Variants in CREBBP observed in about 807,000 individuals in gnomAD.
CREBBP encodes the protein CREB-binding protein.
In CREBBP, 19 loss-of-function variants were observed where a neutral mutation model predicts 265.0. The ratio of observed to expected loss-of-function variants is 0.07; its 90% CI spans 0.05 to 0.11. The LOEUF (loss-of-function observed/expected upper bound fraction) is 0.11, where lower values mean the gene tolerates loss of function less well. Among genes scored for constraint, CREBBP ranks in the 10% least tolerant of loss-of-function variants. The pLI is 1.00. For missense variants in CREBBP, 2,525 were observed against 3,219.0 expected (o/e 0.78, Z 5.22); for synonymous variants, 1,457 against 1,223.7 (o/e 1.19, Z -3.98).
At chr16:3,847,279 C>G (rs989267216) in intron 2 of CREBBP, among the ~76,000 whole-genome samples, 1 of 152,152 alleles carries the variant, frequency 6.6e-6, no homozygotes, top group Non-Finnish European at 1.5e-5. Flanking sequence ...TCTTTTCCTA[C>G]TATTTTAATT....
chr16:3,770,612 C>A lies in CREBBP; in HGVS notation c.2838G>T (p.Gln946His), dbSNP rs1297657584. Residue 946 changes from glutamine (Q) to histidine (H), a missense_variant, in exon 14 of 31, where the codon CAG becomes CAT. Gln to His is a conservative substitution (Grantham distance 24). This residue lies in a region of CREBBP where 548 missense variants were observed against 533.0 expected (regional missense o/e 1.03). Transcript: ENST00000262367. ...GGGCGTGCACAGGCGTCGGCTGTTGCTGCGATGACTGAGGGGTAGCCACAG... is the reference window on the plus strand; with the variant it reads ...GGGCGTGCACAGGCGTCGGCTGTTGATGCGATGACTGAGGGGTAGCCACAG... ...PPSVATPQSS[Q>H]QQPTPVHAQP... The A allele has an allele frequency of 3.1e-6, 5 of 1,613,700 alleles. No homozygotes were observed. The highest frequency in any genetic ancestry group is 4.2e-6 in the Non-Finnish European group (5 of 1,180,022).
chr16:3,806,094 T>C (rs966545386), intron 3 of CREBBP, among the ~76,000 whole-genome samples: 2 of 152,088 alleles, frequency 1.3e-5, no homozygotes, highest in African/African-American at 4.8e-5. Context: ...CATGGACAGG[T>C]GCTGAGACAC....
At chr16:3,837,416 G>A (rs530564072) in intron 2 of CREBBP, among the ~76,000 whole-genome samples, 2 of 152,248 alleles carry the variant, frequency 1.3e-5, no homozygotes, top group South Asian at 2.1e-4. Flanking sequence ...AAGAGTTTAC[G>A]ACCAGCCTGG....
chr16:3,823,156 T>C (rs1281228586), intron 2 of CREBBP, among the ~76,000 whole-genome samples: 1 of 152,220 alleles, frequency 6.6e-6, no homozygotes, highest in Non-Finnish European at 1.5e-5. Flanking sequence ...AAGCAAATGT[T>C]CTTTCTTAAT....
chr16:3,812,657 C>G (rs558937673), intron 2 of CREBBP, among the ~76,000 whole-genome samples: 1 of 152,152 alleles, frequency 6.6e-6, no homozygotes, highest in East Asian at 1.9e-4. Flanking sequence ...ACCCCCAGCT[C>G]CAGCCTCCAC....
intron 20 of CREBBP, among the ~76,000 whole-genome samples, chr16:3,751,146 A>G (rs948870018): frequency 6.6e-6 from 1 of 152,246 alleles, no homozygotes; most frequent in Non-Finnish European, 1.5e-5. Context: ...AGACAGACCA[A>G]GGTCAAGAGA....
intron 1 of CREBBP, among the ~76,000 whole-genome samples, chr16:3,871,013 GAGGGGA>G (rs1024837158): frequency 6.0e-5 from 9 of 150,308 alleles, no homozygotes; most frequent in East Asian, 1.9e-4. Context: ...TAAAGAAGGG[GAGGGGA>G]AGGGGAAGGG....
chr16:3,790,807 G>T (rs1442551915), intron 5 of CREBBP, among the ~76,000 whole-genome samples: 1 of 152,188 alleles, frequency 6.6e-6, no homozygotes, highest in Non-Finnish European at 1.5e-5. Context: ...CTCGCCGCCA[G>T]AGGGAGGTGG....
intron 1 of CREBBP, among the ~76,000 whole-genome samples, chr16:3,867,934 T>C (rs1056525039): frequency 6.6e-6 from 1 of 151,636 alleles, no homozygotes; most frequent in African/African-American, 2.4e-5. Context: ...TCAAAATAAA[T>C]AAAAATAAAT....
intron 23 of CREBBP, among the ~76,000 whole-genome samples, chr16:3,744,437 C>T (rs1229165688): frequency 2.0e-5 from 3 of 152,252 alleles, no homozygotes; most frequent in Non-Finnish European, 4.4e-5. Flanking sequence ...GTTTACTGCA[C>T]ATCTAACCTT....
intron 27 of CREBBP, 123 bp from the exon 28 acceptor site, chr16:3,736,326 C>T: frequency 9.8e-7 from 1 of 1,017,176 alleles, no homozygotes; most frequent in Non-Finnish European, 1.5e-6. Context: ...TGCATGTGTG[C>T]CCCCCCACCA....
intron 22 of CREBBP, 45 bp downstream of exon 22, chr16:3,745,232 T>A (rs767691514): frequency 6.4e-7 from 1 of 1,566,918 alleles, no homozygotes. Context: ...GCCCCGCCAC[T>A]GGCTCTGTGC....
At chr16:3,768,591 T>G (rs2052922228) in intron 15 of CREBBP, among the ~76,000 whole-genome samples, 1 of 152,220 alleles carries the variant, frequency 6.6e-6, no homozygotes, top group Non-Finnish European at 1.5e-5. Flanking sequence ...AGGTGTGGTA[T>G]GAGACAGGAA....
chr16:3,778,608 G>A (rs762852262), intron 9 of CREBBP, 92 bp downstream of exon 9: 1 of 1,103,748 alleles, frequency 9.1e-7, no homozygotes, highest in Non-Finnish European at 1.4e-6. Flanking sequence ...CAACTACATA[G>A]ATTCCACTAT....
intron 2 of CREBBP, among the ~76,000 whole-genome samples, chr16:3,819,526 C>G (rs140798211): frequency 6.6e-6 from 1 of 152,222 alleles, no homozygotes; most frequent in Non-Finnish European, 1.5e-5. Flanking sequence ...AGAGTGGTTC[C>G]AACATGTAGG....
At chr16:3,766,936 CCA>C (rs2052868239) in intron 16 of CREBBP, among the ~76,000 whole-genome samples, 2 of 152,172 alleles carry the variant, frequency 1.3e-5, no homozygotes, top group Non-Finnish European at 2.9e-5. Flanking sequence ...TCACTGTACT[CCA>C]CACTCTCCAG....
intron 1 of CREBBP, among the ~76,000 whole-genome samples, chr16:3,879,102 ACC>A (rs1199433884): frequency 2.0e-5 from 3 of 152,172 alleles, no homozygotes; most frequent in Non-Finnish European, 4.4e-5. Flanking sequence ...ATGAACTTAA[ACC>A]TGCTGTTTAA....
At position 3,738,581 on chromosome 16, in the gene CREBBP, A is replaced by T; in HGVS notation, c.4372T>A (p.Leu1458Ile). The change falls in exon 26 of 31, where the codon TTA (leucine) becomes ATA (isoleucine). Residue 1458 changes from leucine (L) to isoleucine (I), a missense_variant. Leu to Ile is a conservative substitution (Grantham distance 5). Around this residue, in one of 19 missense-constraint regions of CREBBP, gnomAD observed 252 missense variants for 452.5 expected, o/e 0.56. Coordinates refer to ENST00000262367, the MANE Select transcript of CREBBP (RefSeq NM_004380.3). ...AVYHEILIGY[L>I]EYVKKLGYVT... is the part of the protein sequence containing the mutation. ...CACCCTAATTTCTTCACATACTCTA[A>T]ATATCCAATAAGGATCTCATGGTAA... 4 of 1,611,324 alleles carry T rather than the reference A, an allele frequency of 2.5e-6. No individual in the cohort carries two copies. The highest frequency in any genetic ancestry group is 3.4e-6 in the Non-Finnish European group (4 of 1,177,420).
chr16:3,772,909 A>G (rs535566452), intron 13 of CREBBP, among the ~76,000 whole-genome samples: 1 of 130,180 alleles, frequency 7.7e-6, no homozygotes, highest in Non-Finnish European at 1.6e-5. Flanking sequence ...GTCTCTACTA[A>G]AAATACAAAA....
Sources: gnomAD v4.1 joint callset for allele counts (sites outside exome capture counted in the v4.1 genomes callset) on GRCh38, gnomAD v4.1.1 for gene constraint, gnomAD v4.1.1 regional missense constraint, MANE v1.5 for transcripts, NCBI Gene and HGNC (gene_info 2026-07-23, HGNC 2026-07-21) for gene names.